Variants in KLHL8 observed in about 807,000 individuals in gnomAD.
KLHL8 encodes the protein kelch-like protein 8.
Under a neutral mutation model 63.5 loss-of-function variants are expected in KLHL8, and 38 were observed. That is an observed-to-expected ratio of 0.60 (90% CI 0.46 to 0.78). The LOEUF is 0.78. Ranked by LOEUF, KLHL8 falls within the 30% of genes least tolerant of loss-of-function variation. KLHL8 has a pLI of 0.00. For missense variants in KLHL8, 566 were observed against 752.4 expected (o/e 0.75, Z 2.90); for synonymous variants, 224 against 254.3 (o/e 0.88, Z 1.13).
chr4:87,203,747 C>T (rs190098838), intron 1 of KLHL8, among the ~76,000 whole-genome samples: 2 of 151,128 alleles, frequency 1.3e-5, no homozygotes, highest in African/African-American at 4.9e-5. Context: ...CTTCATGACT[C>T]GGGGTCAGGC....
At chr4:87,199,848 A>T (rs1456153491) in intron 1 of KLHL8, among the ~76,000 whole-genome samples, 1 of 151,788 alleles carries the variant, frequency 6.6e-6, no homozygotes, top group Non-Finnish European at 1.5e-5. Flanking sequence ...AAACAAACAA[A>T]CAAAAACCAA....
chr4:87,187,190 T>C (rs1731294784), intron 2 of KLHL8, among the ~76,000 whole-genome samples: 1 of 152,216 alleles, frequency 6.6e-6, no homozygotes, highest in Non-Finnish European at 1.5e-5. Flanking sequence ...AAACTGTCCA[T>C]TTCTGAGCTT....
intron 6 of KLHL8, 116 bp downstream of exon 6, chr4:87,176,640 GT>G (rs1451573051): frequency 6.3e-6 from 4 of 632,862 alleles, no homozygotes; most frequent in African/African-American, 1.9e-5. Flanking sequence ...AACAAAATGT[GT>G]TTGAGAAGGT....
intron 1 of KLHL8, among the ~76,000 whole-genome samples, chr4:87,212,194 C>A (rs889381261): frequency 2.0e-5 from 3 of 152,196 alleles, no homozygotes; most frequent in Non-Finnish European, 4.4e-5. Flanking sequence ...CTCCATTTAG[C>A]TAAGATATCC....
In KLHL8 at chr4:87,163,488, A is replaced by T. The variant is rs770576136; in HGVS notation, c.*31T>A. 2.5e-6 allele frequency: 4 copies of T among 1,612,542 alleles called. No individual in the cohort carries two copies. The South Asian group carries it at 4.4e-5, about 18-fold the overall frequency. Reference sequence around the variant, plus strand: ...TGGTTTTCTTTTGTACCTATCAGATATGACTAAATTGTTGGTGGCCAGAAC... The same window carrying T: ...TGGTTTTCTTTTGTACCTATCAGATTTGACTAAATTGTTGGTGGCCAGAAC... On this transcript the variant is annotated 3_prime_UTR_variant, in exon 10 of 10. Transcript: ENST00000273963.
At chr4:87,164,134 A>T in intron 8 of KLHL8, 55 bp from the exon 9 acceptor site, 1 of 1,410,160 alleles carries the variant, frequency 7.1e-7, no homozygotes, top group Non-Finnish European at 1.0e-6. Context: ...ATTAACTACT[A>T]AATTTCAATT....
intron 1 of KLHL8, among the ~76,000 whole-genome samples, chr4:87,238,125 A>G (rs1578414759): frequency 6.6e-6 from 1 of 151,940 alleles, no homozygotes; most frequent in East Asian, 1.9e-4. Context: ...TAGTAGAGAC[A>G]GGGTTTCACC....
intron 2 of KLHL8, among the ~76,000 whole-genome samples, chr4:87,188,839 C>T (rs1731360254): frequency 6.6e-6 from 1 of 152,152 alleles, no homozygotes; most frequent in Non-Finnish European, 1.5e-5. Context: ...TAATATTAGA[C>T]ATTACCGTGT....
chr4:87,209,189 T>TC (rs1732285924), intron 1 of KLHL8, among the ~76,000 whole-genome samples: 1 of 152,010 alleles, frequency 6.6e-6, no homozygotes, highest in South Asian at 2.1e-4. Context: ...CAGAATTTTT[T>TC]TAAAAATATG....
intron 6 of KLHL8, among the ~76,000 whole-genome samples, chr4:87,171,209 C>T (rs1401417603): frequency 6.6e-6 from 1 of 152,136 alleles, no homozygotes; most frequent in Non-Finnish European, 1.5e-5. Flanking sequence ...AAAAAACACA[C>T]TGCACCAATC....
At chr4:87,231,528 G>A (rs539089111) in intron 1 of KLHL8, among the ~76,000 whole-genome samples, 13 of 152,080 alleles carry the variant, frequency 8.5e-5, no homozygotes, top group Admixed American at 3.3e-4. Context: ...GAACAGTAAC[G>A]TTCATCCCAC....
At chr4:87,177,794 A>G (rs1560695269) in intron 5 of KLHL8, among the ~76,000 whole-genome samples, 2 of 152,082 alleles carry the variant, frequency 1.3e-5, no homozygotes, top group Admixed American at 6.6e-5. Context: ...TTTTGTAGAG[A>G]CAAGATCTTC....
chr4:87,232,660 C>T (rs1396041753), intron 1 of KLHL8, among the ~76,000 whole-genome samples: 9 of 152,194 alleles, frequency 5.9e-5, no homozygotes, highest in Admixed American at 5.2e-4. Context: ...CTCCAGTGAT[C>T]GTACATTCTG....
intron 1 of KLHL8, chr4:87,207,580 G>A (rs2110036938): frequency 3.4e-6 from 4 of 1,190,478 alleles, no homozygotes; most frequent in Middle Eastern, 2.0e-4. Context: ...TGTCATCCAT[G>A]ACAACTTTGG....
At position 87,188,958 on chromosome 4, in the gene KLHL8, G is replaced by A. The variant is rs189103428; in HGVS notation, c.217-3159C>T. ...TGTGACTAATTCAAGATAGTATTACGAAAGAAAAACCTTAGACAATTAAAT... is the reference window on the plus strand; with the variant it reads ...TGTGACTAATTCAAGATAGTATTACAAAAGAAAAACCTTAGACAATTAAAT... On this transcript the variant is annotated intron_variant, in intron 2 of 9. Transcript: ENST00000273963. Among the ~76,000 whole-genome samples, 145 of 152,214 alleles carry A rather than the reference G, an allele frequency of 9.5e-4. No homozygotes were observed. In the East Asian group the frequency reaches 0.012, roughly 13 times the overall value.
At chr4:87,180,187 A>G (rs1158371123) in intron 4 of KLHL8, among the ~76,000 whole-genome samples, 1 of 152,172 alleles carries the variant, frequency 6.6e-6, no homozygotes, top group Admixed American at 6.5e-5. Flanking sequence ...ACTTTTGGTA[A>G]TTAGCATTTA....
intron 6 of KLHL8, 136 bp from the exon 7 acceptor site, chr4:87,170,751 T>A: frequency 2.5e-6 from 2 of 802,372 alleles, no homozygotes. Flanking sequence ...TATTTTTAGA[T>A]CTATCAAAGC....
At chr4:87,224,245 G>A (rs549645320), upstream of KLHL8, among the ~76,000 whole-genome samples, 66 of 152,050 alleles carry the variant, frequency 4.3e-4, no homozygotes, top group African/African-American at 1.4e-3. Flanking sequence ...CCACCGCGCC[G>A]GCCAACATTT....
intron 1 of KLHL8, among the ~76,000 whole-genome samples, chr4:87,199,288 GA>G (rs1277303952): frequency 6.6e-6 from 1 of 152,034 alleles, no homozygotes; most frequent in East Asian, 1.9e-4. Context: ...CCATGCAAAA[GA>G]AAGAAGTTGG....
Sources: gnomAD v4.1 joint callset for allele counts (sites outside exome capture counted in the v4.1 genomes callset) on GRCh38, gnomAD v4.1.1 for gene constraint, MANE v1.5 for transcripts, NCBI Gene and HGNC (gene_info 2026-07-23, HGNC 2026-07-21) for gene names.